Variants in GRID2 observed in about 807,000 individuals in gnomAD.
The protein encoded by GRID2 is glutamate ionotropic receptor delta type subunit 2.
Under a neutral mutation model 114.8 loss-of-function variants are expected in GRID2, and 33 were observed. The observed-to-expected ratio is 0.29, with a 90% confidence interval of 0.22 to 0.38. The LOEUF is 0.38. Ranked by LOEUF, GRID2 falls within the 10% of genes least tolerant of loss-of-function variation. The probability of loss-of-function intolerance (pLI) is 1.00; values close to 1 mark genes in which losing one functional copy is unlikely to be tolerated. For synonymous variants in GRID2, 505 were observed against 449.9 expected (o/e 1.12, Z -1.55); for missense variants, 1,184 against 1,257.7 (o/e 0.94, Z 0.89).
At chr4:93,649,039 A>G (rs1429563956) in intron 14 of GRID2, among the ~76,000 whole-genome samples, 1 of 152,186 alleles carries the variant, frequency 6.6e-6, no homozygotes, top group Non-Finnish European at 1.5e-5. Context: ...ACAACAGACT[A>G]ACATTCTAAT....
At chr4:93,064,253 C>A (rs1363894039) in intron 2 of GRID2, among the ~76,000 whole-genome samples, 1 of 151,370 alleles carries the variant, frequency 6.6e-6, no homozygotes, top group Non-Finnish European at 1.5e-5. Context: ...TCACTACTTA[C>A]AGATAATAAA....
chr4:93,595,484 T>C (rs1231142980), intron 13 of GRID2, among the ~76,000 whole-genome samples: 1 of 152,162 alleles, frequency 6.6e-6, no homozygotes, highest in Admixed American at 6.5e-5. Flanking sequence ...ATTTGTAAAA[T>C]GGGAATAATA....
At chr4:92,919,993 T>G (rs901445696) in intron 2 of GRID2, among the ~76,000 whole-genome samples, 2 of 152,196 alleles carry the variant, frequency 1.3e-5, no homozygotes, top group Non-Finnish European at 2.9e-5. Flanking sequence ...TAAGTCTCTT[T>G]GTAGGTCCAA....
intron 1 of GRID2, 41 bp from the exon 2 acceptor site, chr4:92,590,090 A>G (rs771788435): frequency 2.2e-6 from 3 of 1,393,974 alleles, no homozygotes; most frequent in African/African-American, 1.4e-5. Flanking sequence ...ATGACAGAAT[A>G]TTTATGTTAT....
chr4:92,828,287 G>T (rs577961098), intron 2 of GRID2, among the ~76,000 whole-genome samples: 1 of 152,052 alleles, frequency 6.6e-6, no homozygotes, highest in African/African-American at 2.4e-5. Flanking sequence ...AATTCATAAT[G>T]ACTTTATTGT....
At chr4:93,697,164 G>T (rs1578596087) in intron 14 of GRID2, among the ~76,000 whole-genome samples, 1 of 152,260 alleles carries the variant, frequency 6.6e-6, no homozygotes. Flanking sequence ...ATTTTAATGT[G>T]ACTGTTTTAA....
At chr4:92,605,200 T>C (rs972184272) in intron 2 of GRID2, among the ~76,000 whole-genome samples, 1 of 152,108 alleles carries the variant, frequency 6.6e-6, no homozygotes, top group Non-Finnish European at 1.5e-5. Context: ...AATGGACTAA[T>C]ACACCAGTGT....
chr4:93,569,388 C>T (rs148017060), intron 13 of GRID2, among the ~76,000 whole-genome samples: 1 of 152,234 alleles, frequency 6.6e-6, no homozygotes, highest in Non-Finnish European at 1.5e-5. Context: ...CTCACGCATC[C>T]TTTTGGTTCA....
chr4:92,384,254 C>A (rs1729760511), intron 1 of GRID2, among the ~76,000 whole-genome samples: 1 of 148,792 alleles, frequency 6.7e-6, no homozygotes, highest in Non-Finnish European at 1.5e-5. Flanking sequence ...ATTTCCAATG[C>A]ATGGAAGGGC....
chr4:93,430,320 A>G (rs1392823281), intron 10 of GRID2, among the ~76,000 whole-genome samples: 1 of 152,122 alleles, frequency 6.6e-6, no homozygotes, highest in East Asian at 1.9e-4. Flanking sequence ...AGCTGTGATT[A>G]CACGCACCCA....
intron 2 of GRID2, among the ~76,000 whole-genome samples, chr4:92,899,025 G>A (rs978104382): frequency 6.6e-6 from 1 of 151,898 alleles, no homozygotes; most frequent in African/African-American, 2.4e-5. Flanking sequence ...TCATATTAAA[G>A]CATCTTCAAT....
intron 1 of GRID2, among the ~76,000 whole-genome samples, chr4:92,394,359 T>C (rs1244524588): frequency 6.6e-6 from 1 of 152,094 alleles, no homozygotes; most frequent in Non-Finnish European, 1.5e-5. Flanking sequence ...CAGGGCACCA[T>C]AATTTTAATA....
intron 2 of GRID2, among the ~76,000 whole-genome samples, chr4:92,591,202 C>A (rs1306820860): frequency 6.6e-6 from 1 of 152,118 alleles, no homozygotes; most frequent in Non-Finnish European, 1.5e-5. Flanking sequence ...CCCAAGGGAA[C>A]TTGCCTGCCC....
At chr4:92,994,324 G>A (rs983322843) in intron 2 of GRID2, among the ~76,000 whole-genome samples, 5 of 151,846 alleles carry the variant, frequency 3.3e-5, no homozygotes, top group Admixed American at 1.3e-4. Flanking sequence ...AACATGTTTC[G>A]CACTTTAAGT....
intron 2 of GRID2, among the ~76,000 whole-genome samples, chr4:92,672,218 C>T (rs528209033): frequency 6.6e-6 from 1 of 152,146 alleles, no homozygotes; most frequent in African/African-American, 2.4e-5. Context: ...CTTGTTTCAC[C>T]TATATCCTTA....
At chr4:93,555,213 C>A (rs1025332935) in intron 13 of GRID2, among the ~76,000 whole-genome samples, 1 of 152,016 alleles carries the variant, frequency 6.6e-6, no homozygotes, top group Non-Finnish European at 1.5e-5. Flanking sequence ...AGCTTCAGGA[C>A]TTTTTTTTCA....
chr4:93,401,215 A>AT (rs111837613), intron 9 of GRID2, among the ~76,000 whole-genome samples: 34,934 of 151,630 alleles, frequency 0.23, 5,748 homozygotes, highest in African/African-American at 0.46. Flanking sequence ...ACAATAGAGC[A>AT]TTTTTTTGCC....
chr4:92,922,943 T>C (rs760837935), intron 2 of GRID2, among the ~76,000 whole-genome samples: 1 of 152,212 alleles, frequency 6.6e-6, no homozygotes, highest in Non-Finnish European at 1.5e-5. Flanking sequence ...GCTGAAATAT[T>C]CTGCTGTTTG....
intron 2 of GRID2, among the ~76,000 whole-genome samples, chr4:93,027,177 C>T (rs1723956480): frequency 6.6e-6 from 1 of 151,958 alleles, no homozygotes; most frequent in Non-Finnish European, 1.5e-5. Context: ...TTATTTGCTT[C>T]TCTTTGGCTG....
Sources: allele counts gnomAD v4.1 joint callset (sites outside exome capture counted in the v4.1 genomes callset), GRCh38; gene constraint gnomAD v4.1.1; transcripts MANE v1.5; gene names NCBI Gene and HGNC (gene_info 2026-07-23, HGNC 2026-07-21).